FYN: variants seen among roughly 807,000 people sequenced by gnomAD.
The protein encoded by FYN is tyrosine-protein kinase Fyn.
Under a neutral mutation model 70.2 loss-of-function variants are expected in FYN, and 10 were observed. That is an observed-to-expected ratio of 0.14 (90% CI 0.09 to 0.24). The LOEUF is 0.24. FYN is among the 10% of genes least tolerant of loss of function. FYN has a pLI of 1.00. For synonymous variants in FYN, 236 were observed against 248.6 expected (o/e 0.95, Z 0.48); for missense variants, 319 against 673.1 (o/e 0.47, Z 5.82).
Position 111,719,859 on chromosome 6 carries a change from C to T in FYN, c.193G>A (p.Gly65Arg), listed in dbSNP as rs769705565. 1 of 1,614,146 alleles carries T rather than the reference C, an allele frequency of 6.2e-7. No individual in the cohort carries two copies. Among genetic ancestry groups the T allele is most frequent in the Non-Finnish European group, 8.5e-7 (1 of 1,180,026 alleles). The change falls in exon 4 of 14, where the codon GGA becomes AGA. Residue 65 changes from glycine to arginine, a missense_variant. By Grantham distance (125) the Gly-to-Arg change is moderately radical. This residue lies in a region of FYN where 128 missense variants were observed against 183.9 expected (regional missense o/e 0.70). Transcript: ENST00000354650. The part of the protein sequence containing the change: ...AAGGQGLTVF[G>R]GVNSSSHTGT... ...GTATGAGACGAAGAGTTCACACCTC[C>T]AAAGACGGTGAGTCCTTGGCCCCCG...
At chr6:111,799,279 T>C (rs1220263119) in intron 2 of FYN, among the ~76,000 whole-genome samples, 1 of 152,196 alleles carries the variant, frequency 6.6e-6, no homozygotes, top group African/African-American at 2.4e-5. Flanking sequence ...AAATCAGAAG[T>C]AAATGTGCAG....
In FYN at chr6:111,779,120, C is replaced by CTT. The variant is rs776994144; in HGVS notation, c.-12+1445_-12+1446insAA. Among the ~76,000 whole-genome samples, 727 of 112,424 alleles carry CTT rather than the reference C, an allele frequency of 6.5e-3. 8 individuals are homozygous for CTT. The highest frequency in any genetic ancestry group is 8.1e-3 in the South Asian group (26 of 3,192). The allele number at this position is 112,424 out of a possible 152,430, so 73.8% of individuals were successfully genotyped here. A position where few individuals can be genotyped will look rare whatever the true frequency, so the allele number is the denominator to read the frequency against. On this transcript the variant is annotated intron_variant, in intron 3 of 13. Coordinates refer to ENST00000354650, the MANE Select transcript of FYN (RefSeq NM_002037.5). ...TCCCTTGTCAGGGATCAGTAGGAGA[C>CTT]ATTTTTTTTTTTTTTTTTTTTTTTT...
intron 1 of FYN, among the ~76,000 whole-genome samples, chr6:111,855,139 T>C (rs911848499): frequency 4.6e-5 from 7 of 152,220 alleles, no homozygotes; most frequent in African/African-American, 1.4e-4. Context: ...ATTATTCCAG[T>C]TTTATGTTAG....
At chr6:111,780,401 TCA>T (rs1479911041) in intron 3 of FYN, among the ~76,000 whole-genome samples, 163 bp downstream of exon 3, 3 of 152,188 alleles carry the variant, frequency 2.0e-5, no homozygotes, top group Admixed American at 2.0e-4. Context: ...AGAAAAAGTA[TCA>T]CACTGTCAGA....
intron 3 of FYN, among the ~76,000 whole-genome samples, chr6:111,770,870 G>A (rs1803423240): frequency 6.6e-6 from 1 of 152,098 alleles, no homozygotes; most frequent in African/African-American, 2.4e-5. Context: ...GCATCCAGCT[G>A]CCCATGACCC....
chr6:111,736,853 A>G (rs1471351074), intron 3 of FYN, among the ~76,000 whole-genome samples: 3 of 152,164 alleles, frequency 2.0e-5, no homozygotes, highest in African/African-American at 7.2e-5. Context: ...TATTTTCTAT[A>G]TAGGTTCACT....
chr6:111,784,462 T>C (rs141092994), intron 2 of FYN, among the ~76,000 whole-genome samples: 282 of 152,328 alleles, frequency 1.9e-3, no homozygotes, highest in African/African-American at 6.5e-3. Context: ...ACTGACCCCA[T>C]AGTATTTCCA....
intron 3 of FYN, among the ~76,000 whole-genome samples, chr6:111,739,775 G>A (rs1801873816): frequency 6.6e-6 from 1 of 152,198 alleles, no homozygotes; most frequent in Admixed American, 6.5e-5. Flanking sequence ...TGTGGATTAT[G>A]CCAACTACTA....
chr6:111,676,727 T>C (rs1798543324), intron 12 of FYN, among the ~76,000 whole-genome samples: 1 of 152,342 alleles, frequency 6.6e-6, no homozygotes, highest in Non-Finnish European at 1.5e-5. Flanking sequence ...CTGAAGTAAA[T>C]GGAACATTTT....
chr6:111,861,643 C>T (rs552017370), intron 1 of FYN, among the ~76,000 whole-genome samples: 27 of 152,276 alleles, frequency 1.8e-4, no homozygotes, highest in Non-Finnish European at 3.7e-4. Flanking sequence ...TTAAACCTGG[C>T]ATCCAGGAGA....
intron 5 of FYN, among the ~76,000 whole-genome samples, chr6:111,712,690 T>C (rs188774818): frequency 7.9e-4 from 121 of 152,344 alleles, no homozygotes; most frequent in Non-Finnish European, 1.5e-3. Flanking sequence ...ACTTAGCTCA[T>C]GGCTGGTACA....
chr6:111,851,626 GGC>G (rs1386871539), intron 1 of FYN, among the ~76,000 whole-genome samples: 1 of 152,212 alleles, frequency 6.6e-6, no homozygotes, highest in Non-Finnish European at 1.5e-5. Flanking sequence ...GTGGTCCACA[GGC>G]AGGGAGGAAG....
At chr6:111,720,371 C>T (rs745889215) in intron 3 of FYN, among the ~76,000 whole-genome samples, 6 of 152,154 alleles carry the variant, frequency 3.9e-5, no homozygotes, top group African/African-American at 1.4e-4. Flanking sequence ...CACCTGCCTA[C>T]AGACGGTCCA....
At chr6:111,798,563 C>T (rs987368322) in intron 2 of FYN, 1 of 152,210 alleles carries the variant, frequency 6.6e-6, no homozygotes, top group Non-Finnish European at 1.5e-5. Context: ...GACATTTGTC[C>T]TACATACCCT....
Position 111,714,448 on chromosome 6 carries a change from C to T in FYN, c.248-5G>A, listed in dbSNP as rs200264909. The stretch of plus-strand genomic sequence containing the variant: ...GGGCCACAAAGAGTGTCACTCCTGC[C>T]GAAACGAAATTCACAAGAAGGGAGA... On this transcript the variant is annotated splice_region_variant and splice_polypyrimidine_tract_variant and intron_variant, in intron 4 of 13. Transcript: ENST00000354650. The T allele has an allele frequency of 4.8e-5, 77 of 1,606,200 alleles. No homozygotes were observed. Among genetic ancestry groups the T allele is most frequent in the East Asian group, 6.7e-5 (3 of 44,846 alleles).
intron 13 of FYN, among the ~76,000 whole-genome samples, chr6:111,666,129 G>A (rs1797996773): frequency 6.6e-6 from 1 of 151,576 alleles, no homozygotes; most frequent in African/African-American, 2.4e-5. Flanking sequence ...AGCCTCCTGA[G>A]TAGCTGGGAT....
At chr6:111,755,438 A>G (rs1802687386) in intron 3 of FYN, among the ~76,000 whole-genome samples, 1 of 152,228 alleles carries the variant, frequency 6.6e-6, no homozygotes, top group Non-Finnish European at 1.5e-5. Context: ...ACAGTGAGAG[A>G]TTTTAATAAC....
At chr6:111,777,067 C>A (rs1770971065) in intron 3 of FYN, among the ~76,000 whole-genome samples, 1 of 152,224 alleles carries the variant, frequency 6.6e-6, no homozygotes, top group Non-Finnish European at 1.5e-5. Context: ...CATCAAATGA[C>A]TAACACATCT....
intron 3 of FYN, among the ~76,000 whole-genome samples, chr6:111,767,516 C>T (rs1352239966): frequency 6.6e-6 from 1 of 152,202 alleles, no homozygotes; most frequent in Non-Finnish European, 1.5e-5. Context: ...ATTCTCCTGT[C>T]TCAGCCTCCG....
Sources: allele counts gnomAD v4.1 joint callset (sites outside exome capture counted in the v4.1 genomes callset), GRCh38; gene constraint gnomAD v4.1.1; regional missense constraint gnomAD v4.1.1; transcripts MANE v1.5; gene names NCBI Gene and HGNC (gene_info 2026-07-23, HGNC 2026-07-21).